Variants in WDR59 observed in about 807,000 individuals in gnomAD.
WDR59 encodes the protein GATOR2 complex protein WDR59.
In WDR59, 100 loss-of-function variants were observed where a neutral mutation model predicts 131.2. That is an observed-to-expected ratio of 0.76 (90% CI 0.65 to 0.90). The LOEUF (loss-of-function observed/expected upper bound fraction) is 0.90. Ranked by LOEUF, WDR59 falls within the 40% of genes least tolerant of loss-of-function variation. The pLI is 0.00. For missense variants in WDR59, 1,203 were observed against 1,262.2 expected (o/e 0.95, Z 0.71); for synonymous variants, 601 against 466.2 (o/e 1.29, Z -3.72).
Position 74,916,168 on chromosome 16 carries a change from T to A in WDR59, c.1058A>T (p.Asp353Val). The A allele has an allele frequency of 1.1e-5, 17 of 1,614,190 alleles. No homozygotes were observed. Among genetic ancestry groups the A allele is most frequent in the Non-Finnish European group, 1.4e-5 (16 of 1,180,026 alleles). The part of the protein sequence containing the change: ...PEPEKTLHTE[D>V]TDHQHTASHG... ...GCTTGCAGTGTGCTGGTGATCTGTA[T>A]CTTCAGTGTGCAGGGTCTTCTCAGG... Residue 353 changes from aspartate to valine, a missense_variant, in exon 12 of 26, where the codon GAT becomes GTT. Asp to Val is a radical substitution (Grantham distance 152). Coordinates refer to ENST00000262144, the MANE Select transcript of WDR59 (RefSeq NM_030581.4).
At chr16:74,902,724 G>A (rs914135193) in intron 18 of WDR59, among the ~76,000 whole-genome samples, 2 of 152,090 alleles carry the variant, frequency 1.3e-5, no homozygotes, top group East Asian at 1.9e-4. Context: ...TCAACAAAAT[G>A]TCTTAGTTCC....
intron 7 of WDR59, among the ~76,000 whole-genome samples, chr16:74,938,560 G>A (rs893859500): frequency 5.3e-5 from 8 of 151,906 alleles, no homozygotes; most frequent in Non-Finnish European, 5.9e-5. Flanking sequence ...TTTTTGAGAC[G>A]AAGTCTTGCT....
chr16:74,916,185 C>T lies in WDR59; in HGVS notation c.1041G>A (p.Lys347=), dbSNP rs906188520. The T allele has an allele frequency of 6.2e-7, 1 of 1,614,176 alleles. No individual in the cohort carries two copies. Among genetic ancestry groups the T allele is most frequent in the African/African-American group, 1.3e-5 (1 of 75,040 alleles). Residue 347 remains lysine (K), a synonymous_variant, in exon 12 of 26, where the codon AAG becomes AAA. Transcript: ENST00000262144. ...GATCTGTATCTTCAGTGTGCAGGGT[C>T]TTCTCAGGTTCCGGCAGAAGGGAAA... ...ESISLLPEPE[K]TLHTEDTDHQ... is the part of the protein sequence containing the mutation.
intron 17 of WDR59, among the ~76,000 whole-genome samples, chr16:74,907,552 G>A (rs150624951): frequency 1.7e-4 from 26 of 152,316 alleles, no homozygotes; most frequent in Admixed American, 9.8e-4. Flanking sequence ...GGAATTGTGA[G>A]TCAACTAACC....
chr16:74,974,449 A>G lies in WDR59; in HGVS notation c.55-8627T>C, dbSNP rs532638082. ...TACCGACCACTACGCTAGGTGTTCC[A>G]AACTGATATTGTCATTTAATCCTCA... On this transcript the variant is annotated intron_variant, in intron 1 of 25. Transcript: ENST00000262144. Among the ~76,000 whole-genome samples, 23 of 152,292 alleles carry G rather than the reference A, an allele frequency of 1.5e-4. 3 individuals carry two copies. Among genetic ancestry groups the G allele is most frequent in the South Asian group, 1.0e-3 (5 of 4,832 alleles).
intron 5 of WDR59, 147 bp from the exon 6 acceptor site, chr16:74,948,703 C>T: frequency 1.4e-6 from 1 of 719,932 alleles, no homozygotes; most frequent in South Asian, 1.6e-5. Context: ...AAAAAGAAGT[C>T]TAAAGAGAGA....
intron 8 of WDR59, among the ~76,000 whole-genome samples, chr16:74,925,242 G>A (rs1487892500): frequency 6.6e-6 from 1 of 152,090 alleles, no homozygotes; most frequent in Admixed American, 6.6e-5. Context: ...AACCTTAAAA[G>A]GTTATATACT....
intron 2 of WDR59, among the ~76,000 whole-genome samples, 166 bp downstream of exon 2, chr16:74,965,607 A>T (rs2033738312): frequency 6.6e-6 from 1 of 152,240 alleles, no homozygotes; most frequent in African/African-American, 2.4e-5. Flanking sequence ...AGATTAAAAT[A>T]AACTGCAAAT....
chr16:74,938,900 G>T (rs1161470491), intron 7 of WDR59, among the ~76,000 whole-genome samples: 2 of 151,940 alleles, frequency 1.3e-5, no homozygotes, highest in Non-Finnish European at 2.9e-5. Flanking sequence ...CCCAAGAAGA[G>T]AGACTGAGAC....
At chr16:74,905,070 T>A (rs1285441761) in intron 17 of WDR59, among the ~76,000 whole-genome samples, 1 of 152,262 alleles carries the variant, frequency 6.6e-6, no homozygotes, top group Non-Finnish European at 1.5e-5. Context: ...TATTTTTCTA[T>A]AAAGCTTTTA....
intron 6 of WDR59, among the ~76,000 whole-genome samples, chr16:74,944,706 C>T (rs2032483906): frequency 6.6e-6 from 1 of 152,052 alleles, no homozygotes; most frequent in African/African-American, 2.4e-5. Flanking sequence ...CTCTCACTTG[C>T]CTCTTTTCCC....
Position 74,985,049 on chromosome 16 carries a change from G to T in WDR59, c.-32C>A. 6.4e-7 allele frequency: 1 copy of T among 1,552,258 alleles called. No individual in the cohort carries two copies. The highest frequency in any genetic ancestry group is 2.4e-5 in the East Asian group (1 of 41,346). On this transcript the variant is annotated 5_prime_UTR_variant, in exon 1 of 26. Transcript: ENST00000262144. ...CGCCCGGCCGCCGCGGCCCCAGGAC[G>T]GCGCCCTCCCACCCCGCCGTCCCCA...
At position 74,874,066 on chromosome 16, in the gene WDR59, T is replaced by C. The variant is rs1022383549; in HGVS notation, c.*143A>G. ...GAGAAGGCAGAGGCCCACCAAGAGC[T>C]GATGCTGCGCAGTCCTTGGGGGATC... On this transcript the variant is annotated 3_prime_UTR_variant, in exon 26 of 26. Transcript: ENST00000262144. 1.3e-5 allele frequency: 9 copies of C among 668,340 alleles called. No individual in the cohort carries two copies. Among genetic ancestry groups the C allele is most frequent in the Non-Finnish European group, 2.0e-5 (8 of 398,292 alleles). 41.4% of individuals were successfully genotyped at this position (668,340 alleles called of 1,614,324 possible).
chr16:74,941,513 T>C (rs1278814039), intron 7 of WDR59, among the ~76,000 whole-genome samples: 1 of 151,792 alleles, frequency 6.6e-6, no homozygotes, highest in Non-Finnish European at 1.5e-5. Flanking sequence ...GGCCAACATG[T>C]GAAACCCCAT....
At chr16:74,927,587 CAAAAAA>C (rs370386044) in intron 8 of WDR59, among the ~76,000 whole-genome samples, 1 of 57,962 alleles carries the variant, frequency 1.7e-5, no homozygotes, top group Admixed American at 2.5e-4. Context: ...GACTCCATCT[CAAAAAA>C]AAAAAAAAAA....
chr16:74,926,270 C>T (rs180772956), intron 8 of WDR59, among the ~76,000 whole-genome samples: 1 of 152,040 alleles, frequency 6.6e-6, no homozygotes, highest in African/African-American at 2.4e-5. Flanking sequence ...CATGGCCAGG[C>T]TGGTCTCGAA....
At position 74,873,705 on chromosome 16, in the gene WDR59, T is replaced by C. The variant is rs927080315; in HGVS notation, c.*504A>G. On this transcript the variant is annotated 3_prime_UTR_variant, in exon 26 of 26. Coordinates refer to ENST00000262144, the MANE Select transcript of WDR59 (RefSeq NM_030581.4). ...GTACAGTGCATATTTACAATTTAAGTGTCATATTTTAGAAGGCCACTGTCC... is the reference window on the plus strand; with the variant it reads ...GTACAGTGCATATTTACAATTTAAGCGTCATATTTTAGAAGGCCACTGTCC... 7.8e-5 allele frequency: 12 copies of C among 153,534 alleles called. No individual in the cohort carries two copies. The highest frequency in any genetic ancestry group is 1.6e-4 in the Non-Finnish European group (11 of 69,048). 9.5% of individuals were successfully genotyped at this position (153,534 alleles called of 1,614,324 possible). A position where few individuals can be genotyped will look rare whatever the true frequency, so the allele number is the denominator to read the frequency against.
chr16:74,955,506 G>A (rs988488898), intron 3 of WDR59, among the ~76,000 whole-genome samples: 2 of 152,158 alleles, frequency 1.3e-5, no homozygotes, highest in African/African-American at 4.8e-5. Flanking sequence ...AAAGAGGCCT[G>A]AGAGTAGAAA....
rs745785800 is a variant in WDR59 at position 74,985,039 on chromosome 16, G to T, written c.-22C>A. On this transcript the variant is annotated 5_prime_UTR_variant, in exon 1 of 26. Coordinates refer to ENST00000262144, the MANE Select transcript of WDR59 (RefSeq NM_030581.4). ...CCATCTCCCCCGCCCGGCCGCCGCG[G>T]CCCCAGGACGGCGCCCTCCCACCCC... 1.0e-4 allele frequency: 159 copies of T among 1,558,446 alleles called. No individual in the cohort carries two copies. In the Admixed American group the frequency reaches 2.5e-3, roughly 25 times the overall value.
Sources: allele counts gnomAD v4.1 joint callset (sites outside exome capture counted in the v4.1 genomes callset), GRCh38; gene constraint gnomAD v4.1.1; transcripts MANE v1.5; gene names NCBI Gene and HGNC (gene_info 2026-07-23, HGNC 2026-07-21).